Variants in AP1G2 observed in about 807,000 individuals in gnomAD.
The protein encoded by AP1G2 is adaptor related protein complex 1 subunit gamma 2.
In AP1G2, 85 loss-of-function variants were observed where a neutral mutation model predicts 95.8. The ratio of observed to expected loss-of-function variants is 0.89; its 90% CI spans 0.74 to 1.06. AP1G2 has a LOEUF of 1.06. Ranked by LOEUF, AP1G2 falls within the 50% of genes least tolerant of loss-of-function variation. The pLI is 0.00. For missense variants in AP1G2, 967 were observed against 1,005.8 expected (o/e 0.96, Z 0.52); for synonymous variants, 378 against 400.0 (o/e 0.94, Z 0.66).
At position 23,562,955 on chromosome 14, in the gene AP1G2, G is replaced by A. The variant is rs966021862; in HGVS notation, c.1411-362C>T. 8.1e-5 allele frequency: 59 copies of A among 730,880 alleles called. No individual in the cohort carries two copies. The Admixed American group carries it at 2.5e-3, about 31-fold the overall frequency. 45.3% of individuals were successfully genotyped at this position (730,880 alleles called of 1,614,324 possible). ...ACTACATGGCCTAACCAAACAGGATGGAAATGTGAGAGGGTCCCTCCCTTG... is the reference window on the plus strand; with the variant it reads ...ACTACATGGCCTAACCAAACAGGATAGAAATGTGAGAGGGTCCCTCCCTTG... On this transcript the variant is annotated intron_variant, in intron 14 of 21. Coordinates refer to ENST00000397120, the MANE Select transcript of AP1G2 (RefSeq NM_003917.5).
Position 23,562,299 on chromosome 14 carries a change from A to T in AP1G2, c.1617T>A (p.Cys539Ter), listed in dbSNP as rs369820949. 1 of 1,614,186 alleles carries T rather than the reference A, an allele frequency of 6.2e-7. No homozygotes were observed. The highest frequency in any genetic ancestry group is 1.1e-5 in the South Asian group (1 of 91,084). The change falls in exon 16 of 22, where the codon TGT (cysteine) becomes TGA (stop). Residue 539 changes from cysteine (C) to a stop codon, truncating the protein, a stop_gained. Transcript: ENST00000397120. LOFTEE classifies it high-confidence loss of function. ...TALMKLSTRL[C>*]GDNNRIRQVV... ...GGACCCCTTCTTACTTGTTGTCCCC[A>T]CAGAGGCGAGTGCTGAGCTTCATGA... is the stretch of plus-strand genomic sequence containing the variant.
rs1156275485 is a variant in AP1G2 at position 23,564,325 on chromosome 14, A to G, written c.977+8T>C. The G allele has an allele frequency of 2.5e-6, 4 of 1,613,990 alleles. No homozygotes were observed. In the Admixed American group the frequency reaches 5.0e-5, roughly 20 times the overall value. Reference sequence around the variant, plus strand: ...GGCACAGCCTAGGTAGACAGTTGGGACTATTACCTAATGTTCCTGTCACTG... The same window carrying G: ...GGCACAGCCTAGGTAGACAGTTGGGGCTATTACCTAATGTTCCTGTCACTG... On this transcript the variant is annotated splice_region_variant and intron_variant, in intron 10 of 21. Transcript: ENST00000397120.
rs138190919 is a variant in AP1G2 at position 23,567,548 on chromosome 14, G to C, written c.-6+191C>G. 105 of 1,327,716 alleles carry C rather than the reference G, an allele frequency of 7.9e-5. 1 individual carries two copies. In the East Asian group the frequency reaches 3.3e-3, roughly 42 times the overall value. 82.2% of individuals were successfully genotyped at this position (1,327,716 alleles called of 1,614,324 possible). A position where few individuals can be genotyped will look rare whatever the true frequency, so the allele number is the denominator to read the frequency against. On this transcript the variant is annotated intron_variant, in intron 1 of 21. Coordinates refer to ENST00000397120, the MANE Select transcript of AP1G2 (RefSeq NM_003917.5). This position sits in a 1 kb window ranked among gnomAD's most constrained non-coding sequence, Gnocchi z 5.3. ...CCCCACCGGCGCCCCTTCCTATTGA[G>C]CATGCGCGGGAGCCCCACCTATTTC...
Position 23,561,381 on chromosome 14 carries a change from A to T in AP1G2, c.1908T>A (p.Asp636Glu), listed in dbSNP as rs760419350. 6 of 1,602,210 alleles carry T rather than the reference A, an allele frequency of 3.7e-6. No homozygotes were observed. The highest frequency in any genetic ancestry group is 1.7e-5 in the Admixed American group (1 of 59,108). The stretch of plus-strand genomic sequence containing the variant: ...GGTCCAGATGGGGAGGATGCTGGAC[A>T]TCCCCAGAAGCCCCATCCAGGAGAT... Reference protein sequence around the residue: ...LLDLLDGASGDVQHPPHLDPS... With the variant: ...LLDLLDGASGEVQHPPHLDPS... The change falls in exon 19 of 22, where the codon GAT (aspartate) becomes GAA (glutamate). Residue 636 changes from aspartate to glutamate, a missense_variant. Physicochemically the swap from Asp to Glu is conservative, Grantham distance 45. Transcript: ENST00000397120.
At position 23,566,029 on chromosome 14, in the gene AP1G2, C is replaced by T. The variant is rs201137419; in HGVS notation, c.568+35G>A. 105 of 1,614,040 alleles carry T rather than the reference C, an allele frequency of 6.5e-5. No homozygotes were observed. In the African/African-American group the frequency reaches 1.4e-3, roughly 21 times the overall value. On this transcript the variant is annotated intron_variant, in intron 5 of 21. Coordinates refer to ENST00000397120, the MANE Select transcript of AP1G2 (RefSeq NM_003917.5). The stretch of plus-strand genomic sequence containing the variant: ...GATTTTCAATTCTTCTGTCCATAGA[C>T]CTGAAGCAAAGGATGGGGGGCCCCA...
chr14:23,564,752 A>C, intron 8 of AP1G2, 92 bp from the exon 9 acceptor site: 102 of 1,226,268 alleles, frequency 8.3e-5, no homozygotes, highest in Non-Finnish European at 1.1e-4. Flanking sequence ...CCCAAAGCTC[A>C]CTGCAGCCTT....
chr14:23,566,335 G>C lies in AP1G2; in HGVS notation c.414C>G (p.Asp138Glu), dbSNP rs1887966537. 1 of 1,614,042 alleles carries C rather than the reference G, an allele frequency of 6.2e-7. No individual in the cohort carries two copies. The highest frequency in any genetic ancestry group is 8.5e-7 in the Non-Finnish European group (1 of 1,180,036). The change falls in exon 4 of 22, where the codon GAC becomes GAG. Residue 138 changes from aspartate to glutamate, a missense_variant. Transcript: ENST00000397120. Reference protein sequence around the residue: ...STMGSAEMCRDLAPEVEKLLL... With the variant: ...STMGSAEMCRELAPEVEKLLL... ...GCAGTTTCTCCACCTCTGGGGCCAG[G>C]TCTCGGCACATCTCAGCAGAGCCCA...
chr14:23,563,596 A>G lies in AP1G2; in HGVS notation c.1275T>C (p.His425=), dbSNP rs201144415. 129 of 1,614,124 alleles carry G rather than the reference A, an allele frequency of 8.0e-5. No homozygotes were observed. Among genetic ancestry groups the G allele is most frequent in the Non-Finnish European group, 9.1e-5 (107 of 1,180,038 alleles). The part of the protein sequence containing the change: ...TKRWHIDTIL[H]VLTTAGTHVR... ...GCCCCTGCCTCACCGTTGTCAGCAC[A>G]TGCAGGATGGTGTCTATGTGCCAGC... The change falls in exon 13 of 22, where the codon CAT becomes CAC. Residue 425 remains histidine, a synonymous_variant. Coordinates refer to ENST00000397120, the MANE Select transcript of AP1G2 (RefSeq NM_003917.5).
At position 23,567,611 on chromosome 14, in the gene AP1G2, C is replaced by T; in HGVS notation, c.-6+128G>A. On this transcript the variant is annotated intron_variant, in intron 1 of 21. Coordinates refer to ENST00000397120, the MANE Select transcript of AP1G2 (RefSeq NM_003917.5). The surrounding 1 kb of genome is among the most constrained non-coding windows in gnomAD (Gnocchi z 5.3). ...CCTCCCCCTACCTGGTACCCCATCC[C>T]TAGCTCAGCCATTGCTTTTTTTTCC... 3 of 1,187,344 alleles carry T rather than the reference C, an allele frequency of 2.5e-6. No homozygotes were observed. Among genetic ancestry groups the T allele is most frequent in the Non-Finnish European group, 3.1e-6 (3 of 957,066 alleles). The allele number at this position is 1,187,344 out of a possible 1,614,324, so 73.6% of individuals were successfully genotyped here.
chr14:23,561,142 G>A, intron 19 of AP1G2, 154 bp downstream of exon 19: 2 of 1,385,084 alleles, frequency 1.4e-6, no homozygotes, highest in Non-Finnish European at 1.9e-6. Context: ...AGATGACCAT[G>A]ATTGACTTCA....
chr14:23,566,168 G>A lies in AP1G2; in HGVS notation c.472-8C>T. ...CACTGCAGTCAGAATAGCCTGCAGA[G>A]GTCAGGGGCCTCAGACAGGGGTCAG... is the stretch of plus-strand genomic sequence containing the variant. On this transcript the variant is annotated splice_region_variant and splice_polypyrimidine_tract_variant and intron_variant, in intron 4 of 21. Coordinates refer to ENST00000397120, the MANE Select transcript of AP1G2 (RefSeq NM_003917.5). The A allele has an allele frequency of 6.3e-7, 1 of 1,596,982 alleles. No homozygotes were observed. Among genetic ancestry groups the A allele is most frequent in the Non-Finnish European group, 8.5e-7 (1 of 1,170,210 alleles).
rs1457970908 is a variant in AP1G2 at position 23,567,528 on chromosome 14, C to T, written c.-5-209G>A. ...CCACTACGCATGCGTCCGCACCCCA[C>T]CGGCGCCCCTTCCTATTGAGCATGC... On this transcript the variant is annotated intron_variant, in intron 1 of 21. Coordinates refer to ENST00000397120, the MANE Select transcript of AP1G2 (RefSeq NM_003917.5). The surrounding 1 kb of genome is among the most constrained non-coding windows in gnomAD (Gnocchi z 5.3). 1 of 1,357,736 alleles carries T rather than the reference C, an allele frequency of 7.4e-7. No individual in the cohort carries two copies. Among genetic ancestry groups the T allele is most frequent in the Non-Finnish European group, 9.4e-7 (1 of 1,063,266 alleles). The allele number at this position is 1,357,736 out of a possible 1,614,324, so 84.1% of individuals were successfully genotyped here.
Position 23,559,762 on chromosome 14 carries a change from T to C in AP1G2, c.2345A>G (p.Glu782Gly). The C allele has an allele frequency of 6.2e-7, 1 of 1,614,104 alleles. No individual in the cohort carries two copies. Among genetic ancestry groups the C allele is most frequent in the Non-Finnish European group, 8.5e-7 (1 of 1,179,986 alleles). Residue 782 changes from glutamate to glycine, a missense_variant, in exon 22 of 22, where the codon GAA (glutamate) becomes GGA (glycine). Physicochemically the swap from Glu to Gly is moderately conservative, Grantham distance 98 (BLOSUM62 -2). Transcript: ENST00000397120. ...GAGTGGAGACAGTTACTGCCACGATTCCACAGGCAAGTTGTTCACCTCAAA... is the reference window on the plus strand; with the variant it reads ...GAGTGGAGACAGTTACTGCCACGATCCCACAGGCAAGTTGTTCACCTCAAA... The part of the protein sequence containing the change: ...EIFEVNNLPV[E>G]SWQ
rs757969661 is a variant in AP1G2, at chr14:23,564,363, C to T, written c.947G>A (p.Arg316His). 1.8e-5 allele frequency: 29 copies of T among 1,614,000 alleles called. No individual in the cohort carries two copies. Among genetic ancestry groups the T allele is most frequent in the African/African-American group, 6.7e-5 (5 of 74,876 alleles). The change falls in exon 10 of 22, where the codon CGC (arginine) becomes CAC (histidine). Residue 316 changes from arginine (R) to histidine (H), a missense_variant. By Grantham distance (29) the Arg-to-His change is conservative. Transcript: ENST00000397120. The stretch of plus-strand genomic sequence containing the variant: ...GTTCCTGTCACTGTTGAGTAGGAAG[C>T]GACCAAGAATGTTGACAGCTAGAAC... ...LRVLAVNILG[R>H]FLLNSDRNIR... is the part of the protein sequence containing the mutation.
In AP1G2 at chr14:23,567,383, C is replaced by T; in HGVS notation, c.-5-64G>A. The T allele has an allele frequency of 6.5e-7, 1 of 1,532,072 alleles. No homozygotes were observed. The highest frequency in any genetic ancestry group is 8.7e-7 in the Non-Finnish European group (1 of 1,151,762). The allele number at this position is 1,532,072 out of a possible 1,614,324, so 94.9% of individuals were successfully genotyped here. A position where few individuals can be genotyped will look rare whatever the true frequency, so the allele number is the denominator to read the frequency against. The stretch of plus-strand genomic sequence containing the variant: ...GGCGTGCCTGGGCTTTCGGCCCAGG[C>T]CCGTCCTGTGTCAAGACCCTAAGAG... On this transcript the variant is annotated intron_variant, in intron 1 of 21. Transcript: ENST00000397120. This position sits in a 1 kb window ranked among gnomAD's most constrained non-coding sequence, Gnocchi z 5.3.
Position 23,567,703 on chromosome 14 carries a change from A to G in AP1G2, c.-6+36T>C, listed in dbSNP as rs1040194634. ...TTCCATCTCAGGCAGCGGCAGCGGC[A>G]GCGACAGCCTGCCTACCCCAGGACT... On this transcript the variant is annotated intron_variant, in intron 1 of 21. Transcript: ENST00000397120. The surrounding 1 kb of genome is among the most constrained non-coding windows in gnomAD (Gnocchi z 5.3). 2 of 1,042,370 alleles carry G rather than the reference A, an allele frequency of 1.9e-6. No individual in the cohort carries two copies. The highest frequency in any genetic ancestry group is 2.0e-4 in the East Asian group (2 of 9,856). The allele number at this position is 1,042,370 out of a possible 1,614,324, so 64.6% of individuals were successfully genotyped here.
chr14:23,560,212 C>A (rs1255346575), intron 20 of AP1G2, 43 bp downstream of exon 20: 1 of 1,605,084 alleles, frequency 6.2e-7, no homozygotes, highest in Non-Finnish European at 8.5e-7. Flanking sequence ...GGCCTTTTCT[C>A]CTGGAGTCCC....
At chr14:23,561,941 G>T in intron 17 of AP1G2, 21 bp downstream of exon 17, 1 of 1,592,710 alleles carries the variant, frequency 6.3e-7, no homozygotes, top group Admixed American at 1.8e-5. Flanking sequence ...GTCCCATGCT[G>T]CAGCACAGTG....
rs922834197 is a variant in AP1G2 at position 23,566,048 on chromosome 14, G to A, written c.568+16C>T. On this transcript the variant is annotated intron_variant, in intron 5 of 21. Transcript: ENST00000397120. ...CATAGACCTGAAGCAAAGGATGGGG[G>A]GCCCCACAGCCTTACCATGGTGACG... 1.2e-6 allele frequency: 2 copies of A among 1,614,000 alleles called. No individual in the cohort carries two copies. Among genetic ancestry groups the A allele is most frequent in the Non-Finnish European group, 1.7e-6 (2 of 1,180,026 alleles).
Sources: gnomAD v4.1 joint callset for allele counts on GRCh38, gnomAD v4.1.1 for gene constraint, Gnocchi (gnomAD v3.1) non-coding constraint, MANE v1.5 for transcripts, NCBI Gene and HGNC (gene_info 2026-07-23, HGNC 2026-07-21) for gene names.